Variants in CDH19 observed in about 807,000 individuals in gnomAD.
CDH19 encodes cadherin 19, also known as cadherin-19.
In CDH19, 67 loss-of-function variants were observed where a neutral mutation model predicts 64.2. The ratio of observed to expected loss-of-function variants is 1.04; its 90% confidence interval spans 0.86 to 1.28. CDH19 has a LOEUF of 1.28. CDH19 is among the 50% of genes most tolerant of loss of function. The pLI, the probability that CDH19 is intolerant of heterozygous loss-of-function variation, is 0.00. For missense variants in CDH19, 1,030 were observed against 929.0 expected (o/e 1.11, Z -1.41); for synonymous variants, 346 against 319.3 (o/e 1.08, Z -0.89).
At chr18:66,580,160 G>A (rs886441455) in intron 1 of CDH19, among the ~76,000 whole-genome samples, 7 of 151,890 alleles carry the variant, frequency 4.6e-5, no homozygotes, top group Admixed American at 4.6e-4. Flanking sequence ...TGTAATACCA[G>A]CTATTGATGA....
intron 8 of CDH19, among the ~76,000 whole-genome samples, chr18:66,531,671 T>C (rs1322529123): frequency 6.6e-6 from 1 of 152,100 alleles, no homozygotes; most frequent in African/African-American, 2.4e-5. Flanking sequence ...CTGGATGACT[T>C]GAGTTTGAAT....
chr18:66,550,997 TAATG>T lies in CDH19; in HGVS notation c.775+93_775+96del, dbSNP rs144849427. 1.0e-3 allele frequency: 612 copies of T among 587,116 alleles called. 2 individuals are homozygous for T. Among genetic ancestry groups the T allele is most frequent in the African/African-American group, 0.01 (540 of 53,026 alleles). 36.4% of individuals were successfully genotyped at this position (587,116 alleles called of 1,614,324 possible). A position where few individuals can be genotyped will look rare whatever the true frequency, so the allele number is the denominator to read the frequency against. On this transcript the variant is annotated intron_variant, in intron 5 of 11. Coordinates refer to ENST00000262150, the MANE Select transcript of CDH19 (RefSeq NM_021153.4). ...AATTTATTTTATATAATTTTAGTGT[TAATG>T]TAGTGCTTTTAGAATGAAAACTATA...
chr18:66,544,903 C>A lies in CDH19; in HGVS notation c.776G>T (p.Ser259Ile), dbSNP rs772310024. ...VNDNKPIFKESLYRLTVSESA... is the reference protein window; with the variant it reads ...VNDNKPIFKEILYRLTVSESA... Reference sequence around the variant, plus strand: ...TTCAGAGACAGTCAAGCGGTATAAACCTTTAAAAACAAAATTGGAGGTATT... The same window carrying A: ...TTCAGAGACAGTCAAGCGGTATAAAACTTTAAAAACAAAATTGGAGGTATT... Residue 259 changes from serine (S) to isoleucine (I), a missense_variant and splice_region_variant, in exon 6 of 12, where the codon AGT becomes ATT. Ser to Ile is a moderately radical substitution (Grantham distance 142, BLOSUM62 -2). Transcript: ENST00000262150. 5.6e-5 allele frequency: 88 copies of A among 1,566,142 alleles called. No individual in the cohort carries two copies. The highest frequency in any genetic ancestry group is 7.5e-5 in the Non-Finnish European group (87 of 1,159,950).
At chr18:66,551,624 A>G (rs1987347715) in intron 4 of CDH19, among the ~76,000 whole-genome samples, 1 of 152,036 alleles carries the variant, frequency 6.6e-6, no homozygotes. Flanking sequence ...TTAGTATATT[A>G]TTGATAGATT....
At chr18:66,511,207 A>C (rs529740858) in intron 10 of CDH19, among the ~76,000 whole-genome samples, 55 of 151,846 alleles carry the variant, frequency 3.6e-4, no homozygotes, top group African/African-American at 1.2e-3. Flanking sequence ...ACTAACTAAA[A>C]TAAATATCAT....
rs1451531347 is a variant in CDH19, at chr18:66,588,630, A to ATC, written c.-113+15323_-113+15324insGA. Reference sequence around the variant, plus strand: ...CATATATATCTATATCTATATCTATATATATATAGATACAGCTCAGATTTA... The same window carrying ATC: ...CATATATATCTATATCTATATCTATATCTATATATAGATACAGCTCAGATTTA... On this transcript the variant is annotated intron_variant, in intron 1 of 11. Coordinates refer to ENST00000262150, the MANE Select transcript of CDH19 (RefSeq NM_021153.4). Among the ~76,000 whole-genome samples, 116 of 142,204 alleles carry ATC rather than the reference A, an allele frequency of 8.2e-4. 3 individuals are homozygous for ATC. The highest frequency in any genetic ancestry group is 2.8e-3 in the African/African-American group (114 of 40,926). 93.3% of individuals were successfully genotyped at this position (142,204 alleles called of 152,430 possible). A position where few individuals can be genotyped will look rare whatever the true frequency, so the allele number is the denominator to read the frequency against.
intron 1 of CDH19, among the ~76,000 whole-genome samples, chr18:66,599,306 C>A (rs1159126790): frequency 6.6e-6 from 1 of 151,222 alleles, no homozygotes; most frequent in Non-Finnish European, 1.5e-5. Context: ...TCAGCCAGCA[C>A]GGAAAGAGAA....
intron 9 of CDH19, among the ~76,000 whole-genome samples, chr18:66,524,444 T>C (rs1354664374): frequency 4.6e-5 from 7 of 151,078 alleles, no homozygotes; most frequent in African/African-American, 1.5e-4. Context: ...TGAGAGTAGA[T>C]TTTAAGTGTT....
chr18:66,557,862 T>C (rs1157278001), intron 3 of CDH19, among the ~76,000 whole-genome samples: 1 of 151,818 alleles, frequency 6.6e-6, no homozygotes, highest in Non-Finnish European at 1.5e-5. Flanking sequence ...TTACATTTAC[T>C]GAAAAGGTTC....
At chr18:66,534,877 T>G (rs1448974089) in intron 8 of CDH19, 109 bp downstream of exon 8, 1 of 698,678 alleles carries the variant, frequency 1.4e-6, no homozygotes, top group African/African-American at 1.8e-5. Flanking sequence ...GAATGTCATT[T>G]AAATAATTCC....
At chr18:66,536,263 A>C (rs1232427411) in intron 7 of CDH19, among the ~76,000 whole-genome samples, 1 of 151,808 alleles carries the variant, frequency 6.6e-6, no homozygotes, top group African/African-American at 2.4e-5. Flanking sequence ...TTTGAGTTCA[A>C]GTATTTCCAA....
intron 11 of CDH19, among the ~76,000 whole-genome samples, chr18:66,508,033 G>C (rs1444512915): frequency 6.6e-6 from 1 of 151,768 alleles, no homozygotes; most frequent in East Asian, 1.9e-4. Flanking sequence ...GGAAAATGTG[G>C]TATACAGACA....
intron 1 of CDH19, among the ~76,000 whole-genome samples, chr18:66,594,040 C>T (rs779870847): frequency 2.6e-5 from 4 of 152,008 alleles, no homozygotes; most frequent in Non-Finnish European, 4.4e-5. Context: ...GTTTCATGTA[C>T]AATGACACCC....
intron 5 of CDH19, among the ~76,000 whole-genome samples, chr18:66,548,592 A>C (rs1403523799): frequency 3.3e-5 from 5 of 152,166 alleles, no homozygotes; most frequent in Admixed American, 3.3e-4. Flanking sequence ...GATCAATTAC[A>C]TAAAATTCTT....
intron 9 of CDH19, among the ~76,000 whole-genome samples, chr18:66,515,196 T>A (rs1160495212): frequency 6.6e-6 from 1 of 151,740 alleles, no homozygotes; most frequent in Non-Finnish European, 1.5e-5. Flanking sequence ...TTAAAAATCT[T>A]ATCTGAGTTG....
At chr18:66,557,325 T>G (rs1458478380) in intron 3 of CDH19, among the ~76,000 whole-genome samples, 1 of 151,958 alleles carries the variant, frequency 6.6e-6, no homozygotes, top group Non-Finnish European at 1.5e-5. Flanking sequence ...CCAGAGCAGG[T>G]GAACATTTTT....
intron 3 of CDH19, 70 bp from the exon 4 acceptor site, chr18:66,554,594 G>T: frequency 7.6e-7 from 1 of 1,323,338 alleles, no homozygotes; most frequent in South Asian, 1.5e-5. Flanking sequence ...CTGTGAAGCG[G>T]TCTTTCTTTA....
intron 7 of CDH19, among the ~76,000 whole-genome samples, chr18:66,541,211 C>G (rs1383403231): frequency 4.6e-5 from 7 of 152,076 alleles, no homozygotes; most frequent in Admixed American, 1.3e-4. Context: ...TTTACAGAAA[C>G]AGCAGGTGAT....
At chr18:66,508,413 A>G (rs1259921246) in intron 11 of CDH19, among the ~76,000 whole-genome samples, 1 of 151,528 alleles carries the variant, frequency 6.6e-6, no homozygotes, top group Non-Finnish European at 1.5e-5. Flanking sequence ...TTTTTTTTAA[A>G]TGCACCTTGG....
Sources: gnomAD v4.1 joint callset for allele counts (sites outside exome capture counted in the v4.1 genomes callset) on GRCh38, gnomAD v4.1.1 for gene constraint, MANE v1.5 for transcripts, NCBI Gene and HGNC (gene_info 2026-07-23, HGNC 2026-07-21) for gene names.